Variants in GOLGA3 observed in about 807,000 individuals in gnomAD.
The protein encoded by GOLGA3 is golgin subfamily A member 3.
In GOLGA3, 75 loss-of-function variants were observed where a neutral mutation model predicts 169.4. The observed-to-expected ratio is 0.44, with a 90% confidence interval of 0.37 to 0.54. The LOEUF is 0.54. GOLGA3 is among the 20% of genes least tolerant of loss of function. The pLI, the probability that GOLGA3 is intolerant of heterozygous loss-of-function variation, is 0.00. For synonymous variants in GOLGA3, 824 were observed against 822.4 expected, an observed-to-expected ratio of 1.00 and a Z score of -0.03; for missense variants, 1,899 against 1,930.0, an observed-to-expected ratio of 0.98 and a Z score of 0.30.
intron 4 of GOLGA3, among the ~76,000 whole-genome samples, chr12:132,812,945 A>AAATTAATGTGGGTACATC (rs1422524700): frequency 1.3e-5 from 2 of 152,236 alleles, no homozygotes; most frequent in Non-Finnish European, 2.9e-5. Flanking sequence ...AAGCATTTTC[A>AAATTAATGTGGGTACATC]AATTAATGTG....
At chr12:132,796,368 G>A in intron 10 of GOLGA3, 148 bp from the exon 11 acceptor site, 3 of 1,210,186 alleles carry the variant, frequency 2.5e-6, no homozygotes, top group Non-Finnish European at 3.4e-6. Context: ...AACCAGCAGG[G>A]CAAACACAGG....
At position 132,809,561 on chromosome 12, in the gene GOLGA3, A is replaced by G. The variant is rs1187889084; in HGVS notation, c.520-1012T>C. Among the ~76,000 whole-genome samples the G allele has an allele frequency of 4.6e-5, 7 of 152,192 alleles. No individual in the cohort carries two copies. In the East Asian group the frequency reaches 1.2e-3, roughly 25 times the overall value. Reference sequence around the variant, plus strand: ...TCCCGTCTTCCCAGACACTGGCTTCACCGCTAGACCAAGGAGCCCTCTGGT... The same window carrying G: ...TCCCGTCTTCCCAGACACTGGCTTCGCCGCTAGACCAAGGAGCCCTCTGGT... On this transcript the variant is annotated intron_variant, in intron 4 of 23. Transcript: ENST00000450791.
chr12:132,771,527 TGTC>T lies in GOLGA3; in HGVS notation c.*1575_*1577del, dbSNP rs1384582784. 2 of 152,126 alleles carry T rather than the reference TGTC, an allele frequency of 1.3e-5. No homozygotes were observed. The highest frequency in any genetic ancestry group is 2.1e-4 in the South Asian group (1 of 4,830). The allele number at this position is 152,126 out of a possible 1,614,324, so 9.4% of individuals were successfully genotyped here. A position where few individuals can be genotyped will look rare whatever the true frequency, so the allele number is the denominator to read the frequency against. On this transcript the variant is annotated 3_prime_UTR_variant, in exon 24 of 24. Coordinates refer to ENST00000450791, the MANE Select transcript of GOLGA3 (RefSeq NM_001389683.1). ...GGTAGGAAACAGAAGATCTCACACA[TGTC>T]GTGCTGATTTTAAATAAGGCATCTG...
intron 6 of GOLGA3, among the ~76,000 whole-genome samples, 197 bp downstream of exon 6, chr12:132,806,980 C>G (rs1037478520): frequency 6.6e-6 from 1 of 151,974 alleles, no homozygotes; most frequent in African/African-American, 2.4e-5. Flanking sequence ...CGCCCATGCA[C>G]GATGAGGCAG....
chr12:132,822,342 G>A, intron 1 of GOLGA3, 31 bp from the exon 2 acceptor site: 1 of 1,201,144 alleles, frequency 8.3e-7, no homozygotes, highest in Non-Finnish European at 1.1e-6. Flanking sequence ...AATGTATTAT[G>A]AAACTTGTCA....
At position 132,799,236 on chromosome 12, in the gene GOLGA3, A is replaced by C. The variant is rs376861385; in HGVS notation, c.1801-759T>G. Among the ~76,000 whole-genome samples the C allele has an allele frequency of 1.5e-3, 232 of 152,296 alleles. 2 individuals carry two copies. The highest frequency in any genetic ancestry group is 4.9e-3 in the African/African-American group (202 of 41,560). On this transcript the variant is annotated intron_variant, in intron 8 of 23. Coordinates refer to ENST00000450791, the MANE Select transcript of GOLGA3 (RefSeq NM_001389683.1). Reference sequence around the variant, plus strand: ...GTTTCGAGACCATGAAAGCAGACTGACTGCCTGGAATTCTCCTCCCTCCTG... The same window carrying C: ...GTTTCGAGACCATGAAAGCAGACTGCCTGCCTGGAATTCTCCTCCCTCCTG...
At chr12:132,815,019 CAT>C (rs1219957051) in intron 3 of GOLGA3, among the ~76,000 whole-genome samples, 1 of 152,236 alleles carries the variant, frequency 6.6e-6, no homozygotes, top group African/African-American at 2.4e-5. Flanking sequence ...ACGCTTTACA[CAT>C]GACACCCTCC....
rs746745717 is a variant in GOLGA3, at chr12:132,780,860, C to T, written c.3520G>A (p.Val1174Ile). ...TCTAGTGAGGCCTGCAGGGCCTGGACAAGATGCTTCATCTGGCGATCCTCC... is the reference window on the plus strand; with the variant it reads ...TCTAGTGAGGCCTGCAGGGCCTGGATAAGATGCTTCATCTGGCGATCCTCC... ...EEEDRQMKHL[V>I]QALQASLEKE... Residue 1174 changes from valine to isoleucine, a missense_variant, in exon 18 of 24, where the codon GTC (valine) becomes ATC (isoleucine). Val to Ile is a conservative substitution (Grantham distance 29). Transcript: ENST00000450791. The T allele has an allele frequency of 6.8e-6, 11 of 1,612,534 alleles. No homozygotes were observed. The highest frequency in any genetic ancestry group is 8.5e-6 in the Non-Finnish European group (10 of 1,180,026).
At chr12:132,781,462 G>A (rs150580608) in intron 17 of GOLGA3, among the ~76,000 whole-genome samples, 2 of 152,262 alleles carry the variant, frequency 1.3e-5, no homozygotes, top group East Asian at 1.9e-4. Flanking sequence ...CAGAGGCTGA[G>A]GCAGGAGAAT....
chr12:132,822,314 G>A lies in GOLGA3; in HGVS notation c.-183-3C>T, dbSNP rs1950253580. On this transcript the variant is annotated splice_region_variant and splice_polypyrimidine_tract_variant and intron_variant, in intron 1 of 23. Coordinates refer to ENST00000450791, the MANE Select transcript of GOLGA3 (RefSeq NM_001389683.1). ...CAAACCAGCTAATATCATGATACCT[G>A]ACAGGAGAGAGAGACAAAATGTATT... 2 of 1,321,404 alleles carry A rather than the reference G, an allele frequency of 1.5e-6. No individual in the cohort carries two copies. Among genetic ancestry groups the A allele is most frequent in the Non-Finnish European group, 1.9e-6 (2 of 1,032,588 alleles). The allele number at this position is 1,321,404 out of a possible 1,614,324, so 81.9% of individuals were successfully genotyped here.
chr12:132,826,988 A>C (rs1950445423), intron 1 of GOLGA3, among the ~76,000 whole-genome samples: 1 of 152,222 alleles, frequency 6.6e-6, no homozygotes, highest in African/African-American at 2.4e-5. Flanking sequence ...GAGACAGGAC[A>C]AAGCTGTCAC....
At chr12:132,775,041 A>T in intron 22 of GOLGA3, 100 bp downstream of exon 22, 1 of 1,047,734 alleles carries the variant, frequency 9.5e-7, no homozygotes, top group Non-Finnish European at 1.4e-6. Flanking sequence ...GGCTCAACAA[A>T]TCCGTTTATG....
intron 12 of GOLGA3, among the ~76,000 whole-genome samples, chr12:132,789,551 A>C (rs2046112035): frequency 6.6e-6 from 1 of 152,154 alleles, no homozygotes; most frequent in Non-Finnish European, 1.5e-5. Context: ...CCTCTATTCC[A>C]AGGAGTCTGG....
chr12:132,799,061 C>T (rs1949008802), intron 8 of GOLGA3, among the ~76,000 whole-genome samples: 1 of 152,236 alleles, frequency 6.6e-6, no homozygotes, highest in South Asian at 2.1e-4. Context: ...GTGAGGACAG[C>T]CTGGGGCCTG....
At chr12:132,816,014 C>G (rs766101896) in intron 3 of GOLGA3, among the ~76,000 whole-genome samples, 1 of 152,188 alleles carries the variant, frequency 6.6e-6, no homozygotes, top group Non-Finnish European at 1.5e-5. Flanking sequence ...TTGACTAACA[C>G]GGTGAAACCC....
chr12:132,774,767 A>G, intron 22 of GOLGA3: 1 of 442,052 alleles, frequency 2.3e-6, no homozygotes, highest in South Asian at 4.8e-5. Flanking sequence ...CTGCCCTCCC[A>G]CCTGCCTCCT....
At chr12:132,776,919 G>A in intron 20 of GOLGA3, 39 bp downstream of exon 20, 1 of 1,551,724 alleles carries the variant, frequency 6.4e-7, no homozygotes, top group Non-Finnish European at 8.7e-7. Flanking sequence ...GGGCACCCGT[G>A]AGTCCAGCCC....
chr12:132,787,575 CG>C (rs2045967252), intron 13 of GOLGA3, among the ~76,000 whole-genome samples: 1 of 142,156 alleles, frequency 7.0e-6, no homozygotes, highest in Non-Finnish European at 1.6e-5. Context: ...CCTGAGACCC[CG>C]GGACCCCTCC....
Position 132,773,111 on chromosome 12 carries a change from T to A in GOLGA3, c.4491A>T (p.Gly1497=). 1 of 1,578,246 alleles carries A rather than the reference T, an allele frequency of 6.3e-7. No individual in the cohort carries two copies. The highest frequency in any genetic ancestry group is 8.6e-7 in the Non-Finnish European group (1 of 1,161,110). ...GGAGGCGAGTCCACAGCAGTCACTC[T>A]CCCGGCCCTTCTTTGGAAGCCCTGC... The part of the protein sequence containing the change: ...SQSRASKEGP[G]E Residue 1497 remains glycine (G), a synonymous_variant, in exon 24 of 24, where the codon GGA becomes GGT. Coordinates refer to ENST00000450791, the MANE Select transcript of GOLGA3 (RefSeq NM_001389683.1).
Sources: allele counts gnomAD v4.1 joint callset (sites outside exome capture counted in the v4.1 genomes callset), GRCh38; gene constraint gnomAD v4.1.1; transcripts MANE v1.5; gene names NCBI Gene and HGNC (gene_info 2026-07-23, HGNC 2026-07-21).